The following PRKN variants were observed in gnomAD, a reference collection of about 807,000 sequenced individuals.
PRKN encodes the protein parkin RBR E3 ubiquitin protein ligase.
A neutral mutation model predicts 59.5 loss-of-function variants in PRKN; 56 were observed. The ratio of observed to expected loss-of-function variants is 0.94; its 90% CI spans 0.76 to 1.18. PRKN has a LOEUF of 1.18. Among genes scored for constraint, PRKN ranks in the 50% most tolerant of loss-of-function variants. The pLI, the probability that PRKN is intolerant of heterozygous loss-of-function variation, is 0.00. For synonymous variants in PRKN, 250 were observed against 222.1 expected, an observed-to-expected ratio of 1.13 and a Z score of -1.12; for missense variants, 657 against 596.4, an observed-to-expected ratio of 1.10 and a Z score of -1.06.
intron 6 of PRKN, among the ~76,000 whole-genome samples, chr6:161,822,939 T>C (rs1273384548): frequency 6.6e-6 from 1 of 152,146 alleles, no homozygotes; most frequent in African/African-American, 2.4e-5. Flanking sequence ...GGTTTACTTA[T>C]TAATTATTTA....
chr6:162,042,109 C>A (rs1361396119), intron 5 of PRKN, among the ~76,000 whole-genome samples: 1 of 151,774 alleles, frequency 6.6e-6, no homozygotes, highest in Non-Finnish European at 1.5e-5. Flanking sequence ...GCATTCTTCT[C>A]CATTTATATT....
At chr6:161,690,472 C>A (rs1247024247) in intron 7 of PRKN, among the ~76,000 whole-genome samples, 1 of 152,200 alleles carries the variant, frequency 6.6e-6, no homozygotes, top group Non-Finnish European at 1.5e-5. Flanking sequence ...AGCCTTCTAA[C>A]CTGACTCACT....
At chr6:162,043,769 G>A (rs1043264605) in intron 5 of PRKN, among the ~76,000 whole-genome samples, 1 of 152,216 alleles carries the variant, frequency 6.6e-6, no homozygotes, top group Non-Finnish European at 1.5e-5. Context: ...TTGACAAGAA[G>A]GAAGCAGCAG....
chr6:162,129,693 T>A (rs1305571072), intron 4 of PRKN, among the ~76,000 whole-genome samples: 8 of 152,200 alleles, frequency 5.3e-5, no homozygotes, highest in Non-Finnish European at 1.0e-4. Context: ...CACTTTACTA[T>A]AAAATACTTT....
chr6:162,651,333 G>C (rs1171279080), intron 1 of PRKN, among the ~76,000 whole-genome samples: 1 of 152,072 alleles, frequency 6.6e-6, no homozygotes, highest in Admixed American at 6.5e-5. Flanking sequence ...ATACACACGT[G>C]CACACCGTAA....
chr6:162,661,372 C>A (rs1044318585), intron 1 of PRKN, among the ~76,000 whole-genome samples: 15 of 152,106 alleles, frequency 9.9e-5, no homozygotes, highest in African/African-American at 1.7e-4. Context: ...TGTAAAAATT[C>A]TAATGCCTAA....
At chr6:161,437,775 C>G (rs1040564927) in intron 9 of PRKN, among the ~76,000 whole-genome samples, 1 of 152,154 alleles carries the variant, frequency 6.6e-6, no homozygotes, top group East Asian at 1.9e-4. Flanking sequence ...CTACTAAGCT[C>G]ACCTAAGCAG....
chr6:162,250,282 G>A (rs1422213994), intron 3 of PRKN, among the ~76,000 whole-genome samples: 1 of 152,162 alleles, frequency 6.6e-6, no homozygotes, highest in Non-Finnish European at 1.5e-5. Context: ...CGTTGAGCTT[G>A]TTTTCCTATT....
At chr6:162,442,266 T>G (rs1790093011) in intron 2 of PRKN, among the ~76,000 whole-genome samples, 1 of 152,164 alleles carries the variant, frequency 6.6e-6, no homozygotes, top group South Asian at 2.1e-4. Context: ...AAGGACGGAC[T>G]TTGTGTACTC....
intron 7 of PRKN, among the ~76,000 whole-genome samples, chr6:161,635,179 A>G (rs990843793): frequency 6.6e-6 from 1 of 152,240 alleles, no homozygotes; most frequent in Non-Finnish European, 1.5e-5. Context: ...AAAAAAGAGT[A>G]GATTTCTGGT....
intron 1 of PRKN, among the ~76,000 whole-genome samples, chr6:162,710,100 C>T (rs1241339416): frequency 6.6e-6 from 1 of 152,116 alleles, no homozygotes; most frequent in Non-Finnish European, 1.5e-5. Flanking sequence ...TCAAAGCTGA[C>T]ACAGTGTCTC....
At chr6:161,639,510 C>G (rs1783659239) in intron 7 of PRKN, among the ~76,000 whole-genome samples, 1 of 152,188 alleles carries the variant, frequency 6.6e-6, no homozygotes, top group Admixed American at 6.5e-5. Context: ...AATTTGGGAG[C>G]TAAACCTGGT....
At chr6:161,952,711 A>AG (rs1780034424) in intron 6 of PRKN, among the ~76,000 whole-genome samples, 1 of 152,258 alleles carries the variant, frequency 6.6e-6, no homozygotes, top group South Asian at 2.1e-4. Flanking sequence ...AAAAGCCTGG[A>AG]GGGGAGAACC....
chr6:162,576,295 T>C (rs1780552470), intron 1 of PRKN, among the ~76,000 whole-genome samples: 1 of 152,134 alleles, frequency 6.6e-6, no homozygotes, highest in South Asian at 2.1e-4. Flanking sequence ...TTAGACACAA[T>C]TATTAATAAA....
Position 162,453,905 on chromosome 6 carries a change from A to C in PRKN, c.8-10432T>G, listed in dbSNP as rs76347122. On this transcript the variant is annotated intron_variant, in intron 1 of 11. Transcript: ENST00000366898. ...GCGACAAGAGTGAGACTGTGTCTCC[A>C]AAAAAAAACGATGAGAAAGTGGACA... 1.9e-3 allele frequency among the ~76,000 whole-genome samples: 289 copies of C among 150,636 alleles called. 4 individuals carry two copies. In the South Asian group the frequency reaches 0.024, roughly 12 times the overall value.
Position 161,397,375 on chromosome 6 carries a change from G to A in PRKN, c.1084-10498C>T, listed in dbSNP as rs116729679. On this transcript the variant is annotated intron_variant, in intron 9 of 11. Coordinates refer to ENST00000366898, the MANE Select transcript of PRKN (RefSeq NM_004562.3). This position sits in a 1 kb window ranked among gnomAD's most constrained non-coding sequence, Gnocchi z 4.2. ...TTGAGTATTCTTGTGTAAGTCTTAA[G>A]GGTCCCATAGAAGAGATCCAGGCGG... Among the ~76,000 whole-genome samples the A allele has an allele frequency of 0.012, 1,900 of 152,288 alleles. 37 individuals carry two copies. The highest frequency in any genetic ancestry group is 0.044 in the African/African-American group (1,812 of 41,530).
At chr6:161,821,403 C>T (rs964569369) in intron 6 of PRKN, among the ~76,000 whole-genome samples, 7 of 151,854 alleles carry the variant, frequency 4.6e-5, no homozygotes, top group Admixed American at 2.6e-4. Flanking sequence ...AATTCTATGG[C>T]TATATAAAAA....
At chr6:162,119,577 C>T (rs947658341) in intron 4 of PRKN, among the ~76,000 whole-genome samples, 3 of 152,130 alleles carry the variant, frequency 2.0e-5, no homozygotes, top group Admixed American at 2.0e-4. Flanking sequence ...AGCAAAATCA[C>T]ATGAGCTCAA....
At chr6:162,192,609 C>T (rs4709581) in intron 4 of PRKN, among the ~76,000 whole-genome samples, 11,437 of 151,174 alleles carry the variant, frequency 0.076, 687 homozygotes, top group Admixed American at 0.2. Context: ...CATGCTACCA[C>T]GCCCAGCTAA....
Sources: allele counts gnomAD v4.1 joint callset (sites outside exome capture counted in the v4.1 genomes callset), GRCh38; gene constraint gnomAD v4.1.1; non-coding constraint Gnocchi (gnomAD v3.1); transcripts MANE v1.5; gene names NCBI Gene and HGNC (gene_info 2026-07-23, HGNC 2026-07-21).